The following SLCO1B1 variants were observed in gnomAD, a reference collection of about 807,000 sequenced individuals.
SLCO1B1 encodes the protein OATP-2.
SLCO1B1 carries 81 observed loss-of-function variants against 70.1 expected under a neutral mutation model. That is an observed-to-expected ratio of 1.16 (90% CI 0.97 to 1.39). The LOEUF (loss-of-function observed/expected upper bound fraction) is 1.39. Ranked by LOEUF, SLCO1B1 falls within the 40% of genes most tolerant of loss-of-function variation. SLCO1B1 has a pLI of 0.00. For synonymous variants in SLCO1B1, 283 were observed against 271.5 expected (o/e 1.04, Z -0.42); for missense variants, 895 against 799.6 (o/e 1.12, Z -1.44).
chr12:21,217,874 A>G (rs891803109), intron 12 of SLCO1B1, among the ~76,000 whole-genome samples: 4 of 152,212 alleles, frequency 2.6e-5, no homozygotes, highest in African/African-American at 7.2e-5. Context: ...AATGAAACCA[A>G]TAAGATACTT....
chr12:21,157,702 C>T (rs898346095), intron 2 of SLCO1B1, among the ~76,000 whole-genome samples: 22 of 150,880 alleles, frequency 1.5e-4, no homozygotes, highest in South Asian at 8.4e-4. Context: ...CCCAGGTTCA[C>T]GCCATTCTCC....
chr12:21,219,720 A>T (rs1161477114), intron 12 of SLCO1B1, among the ~76,000 whole-genome samples: 1 of 152,128 alleles, frequency 6.6e-6, no homozygotes, highest in Non-Finnish European at 1.5e-5. Flanking sequence ...TGAGTAAATG[A>T]AACAAATATG....
chr12:21,203,229 G>GT (rs570213073), intron 10 of SLCO1B1, among the ~76,000 whole-genome samples: 5 of 151,756 alleles, frequency 3.3e-5, no homozygotes, highest in Admixed American at 2.0e-4. Flanking sequence ...AGCTAATATT[G>GT]TTTTTTTCTG....
chr12:21,138,976 C>T (rs1268616247), intron 1 of SLCO1B1, among the ~76,000 whole-genome samples: 3 of 151,996 alleles, frequency 2.0e-5, no homozygotes, highest in African/African-American at 7.3e-5. Context: ...TTGAAAGATT[C>T]TTAGGATAAA....
intron 2 of SLCO1B1, among the ~76,000 whole-genome samples, chr12:21,160,661 A>G (rs1321963333): frequency 6.6e-6 from 1 of 152,164 alleles, no homozygotes; most frequent in Non-Finnish European, 1.5e-5. Context: ...AATATTGACA[A>G]ATGAGATATA....
chr12:21,154,482 T>G (rs1940514846), intron 2 of SLCO1B1, among the ~76,000 whole-genome samples: 1 of 152,062 alleles, frequency 6.6e-6, no homozygotes, highest in South Asian at 2.1e-4. Flanking sequence ...AAGTACACAG[T>G]TTTCTTATAT....
At chr12:21,205,824 T>TTC (rs758413983) in intron 10 of SLCO1B1, 44 bp from the exon 11 acceptor site, 12 of 1,427,088 alleles carry the variant, frequency 8.4e-6, no homozygotes, top group South Asian at 2.4e-5. Context: ...TGTCTTTTTC[T>TTC]TCTCTCTCTC....
chr12:21,174,915 C>T (rs945093330), intron 4 of SLCO1B1, among the ~76,000 whole-genome samples: 1 of 152,056 alleles, frequency 6.6e-6, no homozygotes, highest in African/African-American at 2.4e-5. Context: ...AACAAAAAGA[C>T]TAAACTGTAG....
intron 11 of SLCO1B1, among the ~76,000 whole-genome samples, chr12:21,207,993 G>GT (rs1486567001): frequency 6.6e-6 from 1 of 151,616 alleles, no homozygotes; most frequent in African/African-American, 2.4e-5. Context: ...TATTGTTTTT[G>GT]TTTTTTGCTT....
chr12:21,174,485 T>C, intron 3 of SLCO1B1, 92 bp from the exon 4 acceptor site: 1 of 1,232,034 alleles, frequency 8.1e-7, no homozygotes, highest in Non-Finnish European at 1.2e-6. Flanking sequence ...AGGCACTATG[T>C]CTTGGACTCT....
intron 2 of SLCO1B1, among the ~76,000 whole-genome samples, chr12:21,146,935 C>A (rs1940393020): frequency 6.6e-6 from 1 of 152,046 alleles, no homozygotes; most frequent in African/African-American, 2.4e-5. Context: ...TTTATTATAT[C>A]CAGTTAATTG....
intron 2 of SLCO1B1, among the ~76,000 whole-genome samples, chr12:21,157,770 T>G (rs560148717): frequency 1.8e-4 from 28 of 151,970 alleles, no homozygotes; most frequent in Non-Finnish European, 3.8e-4. Flanking sequence ...CCCACTAATT[T>G]TTTGTATTTT....
At chr12:21,184,308 C>T (rs1465871585) in intron 7 of SLCO1B1, among the ~76,000 whole-genome samples, 2 of 152,028 alleles carry the variant, frequency 1.3e-5, no homozygotes, top group Admixed American at 6.6e-5. Context: ...ATTAGATTCC[C>T]CAAAGTCCAC....
rs147527310 is a variant in SLCO1B1 at position 21,167,063 on chromosome 12, G to T, written c.85-5587G>T. On this transcript the variant is annotated intron_variant, in intron 2 of 14. Transcript: ENST00000256958. ...AATATTAAAATGTTACCTACTATAT[G>T]ATTCCAACTATATGACAAATTTTAT... is the stretch of plus-strand genomic sequence containing the variant. Among the ~76,000 whole-genome samples, 113 of 152,230 alleles carry T rather than the reference G, an allele frequency of 7.4e-4. 1 individual carries two copies. Among genetic ancestry groups the T allele is most frequent in the African/African-American group, 2.7e-3 (113 of 41,548 alleles).
intron 1 of SLCO1B1, among the ~76,000 whole-genome samples, chr12:21,133,236 C>A (rs1303156031): frequency 3.3e-5 from 5 of 151,928 alleles, no homozygotes; most frequent in Non-Finnish European, 7.4e-5. Context: ...GTTACTGTAG[C>A]CTTGTAGTAT....
At chr12:21,158,565 C>A (rs569211735) in intron 2 of SLCO1B1, among the ~76,000 whole-genome samples, 2 of 151,800 alleles carry the variant, frequency 1.3e-5, no homozygotes, top group East Asian at 3.9e-4. Flanking sequence ...GTGGTGGTGC[C>A]TGCCTTTAGT....
rs902737472 is a variant in SLCO1B1 at position 21,208,722 on chromosome 12, G to C, written c.1497+2689G>C. Among the ~76,000 whole-genome samples the C allele has an allele frequency of 3.3e-5, 5 of 152,190 alleles. No homozygotes were observed. The East Asian group carries it at 9.6e-4, about 29-fold the overall frequency. Reference sequence around the variant, plus strand: ...TCTGTAGATTGCTTTGGGCAGTATAGACAGTTTAATGATAATTTTTCTACC... The same window carrying C: ...TCTGTAGATTGCTTTGGGCAGTATACACAGTTTAATGATAATTTTTCTACC... On this transcript the variant is annotated intron_variant, in intron 11 of 14. Coordinates refer to ENST00000256958, the MANE Select transcript of SLCO1B1 (RefSeq NM_006446.5).
chr12:21,224,806 G>A lies in SLCO1B1; in HGVS notation c.1832G>A (p.Gly611Glu). The change falls in exon 14 of 15, where the codon GGG becomes GAG. Residue 611 changes from glycine to glutamate, a missense_variant. Coordinates refer to ENST00000256958, the MANE Select transcript of SLCO1B1 (RefSeq NM_006446.5). ...TCCACCAACAACTGTGGCACACGTG[G>A]GTCATGTAGGACATATAATTCCACA... ...KWSTNNCGTR[G>E]SCRTYNSTSF... 6.2e-7 allele frequency: 1 copy of A among 1,606,870 alleles called. No homozygotes were observed.
At chr12:21,220,252 C>T (rs182057293) in intron 12 of SLCO1B1, among the ~76,000 whole-genome samples, 1 of 152,234 alleles carries the variant, frequency 6.6e-6, no homozygotes, top group Non-Finnish European at 1.5e-5. Context: ...TTTGTTCTAT[C>T]TCTATAAAGC....
Sources: allele counts gnomAD v4.1 joint callset (sites outside exome capture counted in the v4.1 genomes callset), GRCh38; gene constraint gnomAD v4.1.1; transcripts MANE v1.5; gene names NCBI Gene and HGNC (gene_info 2026-07-23, HGNC 2026-07-21).